The following VEGFD variants were observed in gnomAD, a reference collection of about 807,000 sequenced individuals.
The protein encoded by VEGFD is vascular endothelial growth factor D.
A neutral mutation model predicts 28.0 loss-of-function variants in VEGFD; 26 were observed. The ratio of observed to expected loss-of-function variants is 0.93; its 90% CI spans 0.68 to 1.29. The LOEUF (loss-of-function observed/expected upper bound fraction) is 1.29, where lower values mean the gene tolerates loss of function less well. Ranked by LOEUF, VEGFD falls within the 50% of genes most tolerant of loss-of-function variation. The pLI, the probability that VEGFD is intolerant of heterozygous loss-of-function variation, is 0.00. For synonymous variants in VEGFD, 93 were observed against 95.5 expected, an observed-to-expected ratio of 0.97 and a Z score of 0.15; for missense variants, 294 against 273.4, an observed-to-expected ratio of 1.08 and a Z score of -0.53.
chrX:15,350,788 TTTC>T (rs890555293), intron 5 of VEGFD, among the ~76,000 whole-genome samples: 129 of 38,240 alleles, frequency 3.4e-3, no homozygotes, highest in African/African-American at 0.014. Flanking sequence ...TTTCTCTCTC[TTTC>T]TTTTCTTTTC....
chrX:15,375,855 C>A, intron 1 of VEGFD, among the ~76,000 whole-genome samples: 1 of 111,527 alleles, frequency 9.0e-6, no homozygotes, highest in East Asian at 2.8e-4. Context: ...CCAGCCAGAT[C>A]ATCTAGCACT....
chrX:15,355,085 C>T (rs1347256258), intron 4 of VEGFD, 65 bp downstream of exon 4: 3 of 969,600 alleles, frequency 3.1e-6, no homozygotes, highest in Admixed American at 6.9e-5. Flanking sequence ...AAATCCTCTA[C>T]ACACAGTTTT....
At chrX:15,380,198 T>C (rs766670619) in intron 1 of VEGFD, among the ~76,000 whole-genome samples, 3 of 112,544 alleles carry the variant, frequency 2.7e-5, no homozygotes, top group South Asian at 7.5e-4. Flanking sequence ...TCAAAGTCAA[T>C]GGACTTCCCT....
intron 5 of VEGFD, among the ~76,000 whole-genome samples, chrX:15,349,502 T>C (rs1166840237): frequency 8.9e-6 from 1 of 112,508 alleles, no homozygotes; most frequent in Non-Finnish European, 1.9e-5. Flanking sequence ...CTCAGCTTTG[T>C]TCCTTTTACC....
intron 2 of VEGFD, among the ~76,000 whole-genome samples, chrX:15,362,664 C>T (rs1000637417): frequency 9.0e-6 from 1 of 111,475 alleles, no homozygotes; most frequent in Admixed American, 9.5e-5. Flanking sequence ...AGCGATCTGC[C>T]GTTCTTGGCC....
At position 15,346,095 on chromosome X, in the gene VEGFD, G is replaced by A. The variant is rs774319867; in HGVS notation, c.*38C>T. The A allele has an allele frequency of 2.2e-5, 26 of 1,193,016 alleles. No individual in the cohort carries two copies. In the South Asian group the frequency reaches 4.3e-4, roughly 20 times the overall value. ...CAGCAACTTGGCAAAGCAGCATGCT[G>A]TTAAAAATGACAGGGATGGGGAACT... On this transcript the variant is annotated 3_prime_UTR_variant, in exon 7 of 7. Transcript: ENST00000297904.
At position 15,347,314 on chromosome X, in the gene VEGFD, A is replaced by G. The variant is rs754847710; in HGVS notation, c.788T>C (p.Met263Thr). Reference protein sequence around the residue: ...QEPALCGPHMMFDEDRCECVC... With the variant: ...QEPALCGPHMTFDEDRCECVC... ...ACACTCGCAACGATCTTCGTCAAAC[A>G]TCATGTGTGGCCCACAGAGAGCTGG... is the stretch of plus-strand genomic sequence containing the variant. Residue 263 changes from methionine to threonine, a missense_variant, in exon 6 of 7, where the codon ATG becomes ACG. Transcript: ENST00000297904. 2 of 1,211,404 alleles carry G rather than the reference A, an allele frequency of 1.7e-6. No individual in the cohort carries two copies. The highest frequency in any genetic ancestry group is 3.5e-5 in the South Asian group (2 of 56,868).
chrX:15,349,638 T>TTG lies in VEGFD; in HGVS notation c.743-2281_743-2280dup, dbSNP rs769548431. Among the ~76,000 whole-genome samples, 162 of 111,334 alleles carry TTG rather than the reference T, an allele frequency of 1.5e-3. 1 individual carries two copies. The highest frequency in any genetic ancestry group is 5.0e-3 in the African/African-American group (153 of 30,637). On this transcript the variant is annotated intron_variant, in intron 5 of 6. Coordinates refer to ENST00000297904, the MANE Select transcript of VEGFD (RefSeq NM_004469.5). ...ATTGGGACCTCCTCAATTTATTCTT[T>TTG]TGTGTGTGTGTGTGTTTGTGTATAT...
intron 1 of VEGFD, 114 bp from the exon 2 acceptor site, chrX:15,363,433 A>G (rs1478653130): frequency 3.4e-6 from 2 of 588,789 alleles, no homozygotes; most frequent in South Asian, 3.2e-5. Flanking sequence ...TAGAGATACT[A>G]TTGAAACGTA....
At chrX:15,355,636 C>T (rs966016342) in intron 3 of VEGFD, among the ~76,000 whole-genome samples, 1 of 112,293 alleles carries the variant, frequency 8.9e-6, no homozygotes, top group African/African-American at 3.2e-5. Context: ...ACTATTTATT[C>T]ATCCCTTCTC....
Position 15,358,212 on chromosome X carries a change from C to G in VEGFD, c.302-19G>C. On this transcript the variant is annotated intron_variant, in intron 2 of 6. Coordinates refer to ENST00000297904, the MANE Select transcript of VEGFD (RefSeq NM_004469.5). The stretch of plus-strand genomic sequence containing the variant: ...TCTATAACTGCAGAGAGAAAGAAAG[C>G]TCACTGGGGCTAGCAGGTGGAATGG... 1 of 1,179,639 alleles carries G rather than the reference C, an allele frequency of 8.5e-7. No homozygotes were observed. The highest frequency in any genetic ancestry group is 1.1e-6 in the Non-Finnish European group (1 of 874,955).
At chrX:15,372,440 A>C (rs1923333158) in intron 1 of VEGFD, among the ~76,000 whole-genome samples, 1 of 92,727 alleles carries the variant, frequency 1.1e-5, no homozygotes, top group Admixed American at 1.2e-4. Context: ...AAGCTCTCAC[A>C]AAAAAAAAAA....
At chrX:15,373,575 G>A (rs764744850) in intron 1 of VEGFD, among the ~76,000 whole-genome samples, 1 of 111,731 alleles carries the variant, frequency 9.0e-6, no homozygotes, top group South Asian at 3.7e-4. Context: ...AGAAGCTTTA[G>A]GGTGAGTTAT....
intron 5 of VEGFD, among the ~76,000 whole-genome samples, chrX:15,350,293 G>T (rs2147735026): frequency 9.0e-6 from 1 of 111,257 alleles, no homozygotes; most frequent in African/African-American, 3.3e-5. Flanking sequence ...AGCCCTGAGT[G>T]CTCATATACC....
At chrX:15,360,153 CT>C (rs1251696050) in intron 2 of VEGFD, among the ~76,000 whole-genome samples, 3 of 111,220 alleles carry the variant, frequency 2.7e-5, no homozygotes, top group African/African-American at 9.8e-5. Context: ...AAATTATTCC[CT>C]TATAACATCT....
At chrX:15,373,837 A>C (rs938672713) in intron 1 of VEGFD, among the ~76,000 whole-genome samples, 4 of 111,390 alleles carry the variant, frequency 3.6e-5, no homozygotes, top group African/African-American at 1.3e-4. Context: ...CTGATGGTTC[A>C]AGCTCAACCA....
At chrX:15,367,616 A>G (rs2147745373) in intron 1 of VEGFD, among the ~76,000 whole-genome samples, 1 of 111,447 alleles carries the variant, frequency 9.0e-6, no homozygotes, top group East Asian at 2.8e-4. Context: ...GTTGAAGCAT[A>G]TTGAAAGGAT....
Position 15,363,103 on chromosome X carries a change from A to G in VEGFD, c.301+6T>C. 8.3e-7 allele frequency: 1 copy of G among 1,206,174 alleles called. No homozygotes were observed. The highest frequency in any genetic ancestry group is 1.8e-5 in the South Asian group (1 of 56,828). ...AAAGAATTTGTCTCCACATCCACAC[A>G]CCTACCTTTTAGTGTTTCAATGTCA... On this transcript the variant is annotated splice_donor_region_variant and intron_variant, in intron 2 of 6. Transcript: ENST00000297904.
intron 5 of VEGFD, among the ~76,000 whole-genome samples, chrX:15,349,389 G>A (rs1922631915): frequency 8.9e-6 from 1 of 112,039 alleles, no homozygotes; most frequent in Admixed American, 9.4e-5. Context: ...ACAAAAACTG[G>A]ATGCAAGAGA....
Sources: allele counts gnomAD v4.1 joint callset (sites outside exome capture counted in the v4.1 genomes callset), GRCh38; gene constraint gnomAD v4.1.1; transcripts MANE v1.5; gene names NCBI Gene and HGNC (gene_info 2026-07-23, HGNC 2026-07-21).